CCDC136: variants seen among roughly 807,000 people sequenced by gnomAD.
The protein encoded by CCDC136 is coiled-coil domain-containing protein 136.
Under a neutral mutation model 141.2 loss-of-function variants are expected in CCDC136, and 100 were observed. The ratio of observed to expected loss-of-function variants is 0.71; its 90% confidence interval spans 0.60 to 0.84. The LOEUF (loss-of-function observed/expected upper bound fraction) is 0.84, where lower values mean the gene tolerates loss of function less well. Among genes scored for constraint, CCDC136 ranks in the 40% least tolerant of loss-of-function variants. The pLI is 0.00. For synonymous variants in CCDC136, 474 were observed against 531.9 expected, an observed-to-expected ratio of 0.89 and a Z score of 1.50; for missense variants, 1,206 against 1,379.4, an observed-to-expected ratio of 0.87 and a Z score of 1.99.
In CCDC136 at chr7:128,815,666, T is replaced by C. The variant is rs1238075103; in HGVS notation, c.3098T>C (p.Leu1033Pro). The C allele has an allele frequency of 2.6e-6, 4 of 1,555,336 alleles. No individual in the cohort carries two copies. The highest frequency in any genetic ancestry group is 3.5e-6 in the Non-Finnish European group (4 of 1,149,350). ...GCCAGCCAGAGGAAATTAGATGGAC[T>C]AGCAAAAGAGGAGGAAAAGAAAGAG... ...YKASQRKLDG[L>P]AKEEEKKEEM... The change falls in exon 16 of 18, where the codon CTA (leucine) becomes CCA (proline). Residue 1033 changes from leucine to proline, a missense_variant. Transcript: ENST00000297788.
intron 3 of CCDC136, among the ~76,000 whole-genome samples, chr7:128,796,342 G>T (rs371882621): frequency 6.6e-6 from 1 of 152,134 alleles, no homozygotes; most frequent in African/African-American, 2.4e-5. Context: ...AACTGCAAAG[G>T]CCCAGAGGTG....
At position 128,801,200 on chromosome 7, in the gene CCDC136, C is replaced by G; in HGVS notation, c.361C>G (p.Leu121Val). The G allele has an allele frequency of 6.2e-7, 1 of 1,613,092 alleles. No homozygotes were observed. The highest frequency in any genetic ancestry group is 8.5e-7 in the Non-Finnish European group (1 of 1,179,170). Reference sequence around the variant, plus strand: ...GGACTTTGCAGGTGAGCTGCGTTCTCTACGGGAGGAGATTTCCCTGTTAGA... The same window carrying G: ...GGACTTTGCAGGTGAGCTGCGTTCTGTACGGGAGGAGATTTCCCTGTTAGA... ...IQQLQGELRS[L>V]REEISLLEHE... Residue 121 changes from leucine (L) to valine (V), a missense_variant, in exon 4 of 18, where the codon CTA (leucine) becomes GTA (valine). Physicochemically the swap from Leu to Val is conservative, Grantham distance 32 (BLOSUM62 1). Coordinates refer to ENST00000297788, the MANE Select transcript of CCDC136 (RefSeq NM_022742.5).
intron 17 of CCDC136, among the ~76,000 whole-genome samples, chr7:128,820,500 C>A (rs1028787959): frequency 6.6e-6 from 1 of 152,204 alleles, no homozygotes; most frequent in Non-Finnish European, 1.5e-5. Flanking sequence ...TCAGCTCCTC[C>A]CTCCTTTAAG....
Position 128,807,465 on chromosome 7 carries a change from C to T in CCDC136, c.1525C>T (p.Leu509Phe). Reference sequence around the variant, plus strand: ...CATGTATGACCAGCTGGAGCAGGACCTCCTGCTCTGCCAGCTGGAGCTGAA... The same window carrying T: ...CATGTATGACCAGCTGGAGCAGGACTTCCTGCTCTGCCAGCTGGAGCTGAA... ...KHMYDQLEQD[L>F]LLCQLELKEL... The change falls in exon 10 of 18, where the codon CTC (leucine) becomes TTC (phenylalanine). Residue 509 changes from leucine (L) to phenylalanine (F), a missense_variant. Coordinates refer to ENST00000297788, the MANE Select transcript of CCDC136 (RefSeq NM_022742.5). 1.3e-6 allele frequency: 2 copies of T among 1,554,948 alleles called. No homozygotes were observed. The highest frequency in any genetic ancestry group is 2.5e-5 in the East Asian group (1 of 40,478).
At chr7:128,796,908 A>AT (rs1803101173) in intron 3 of CCDC136, among the ~76,000 whole-genome samples, 1 of 148,990 alleles carries the variant, frequency 6.7e-6, no homozygotes, top group South Asian at 2.2e-4. Flanking sequence ...CGCCCGGCTA[A>AT]TTTTTTGTAT....
rs369067756 is a variant in CCDC136 at position 128,812,347 on chromosome 7, C to T, written c.2541+35C>T. The T allele has an allele frequency of 1.1e-4, 180 of 1,587,084 alleles. No homozygotes were observed. In the African/African-American group the frequency reaches 1.7e-3, roughly 15 times the overall value. On this transcript the variant is annotated intron_variant, in intron 13 of 17. Transcript: ENST00000297788. ...GCCAGGTGACAGGTCAGGCAGGGGA[C>T]GATGGACTCTTGTCTTTTTAAGAGA...
chr7:128,791,214 G>C (rs959619145), upstream of CCDC136, among the ~76,000 whole-genome samples: 1 of 152,156 alleles, frequency 6.6e-6, no homozygotes, highest in Non-Finnish European at 1.5e-5. The surrounding 1 kb of genome is among the most constrained non-coding windows in gnomAD (Gnocchi z 7.1). Flanking sequence ...TCCTGACGCT[G>C]TCCGGGCCCC....
rs1353550332 is a variant in CCDC136, at chr7:128,794,317, G to A, written c.17-31G>A. 6.4e-7 allele frequency: 1 copy of A among 1,551,718 alleles called. No individual in the cohort carries two copies. The highest frequency in any genetic ancestry group is 2.0e-5 in the Admixed American group (1 of 51,006). On this transcript the variant is annotated intron_variant, in intron 1 of 17. Transcript: ENST00000297788. The surrounding 1 kb of genome is among the most constrained non-coding windows in gnomAD (Gnocchi z 4.3). Reference sequence around the variant, plus strand: ...GGACGGCAGAAAGGAAGTTGATGCTGACTCCTTGGTGGGATGGCTGTGTCT... The same window carrying A: ...GGACGGCAGAAAGGAAGTTGATGCTAACTCCTTGGTGGGATGGCTGTGTCT...
chr7:128,808,724 G>A lies in CCDC136; in HGVS notation c.1606-726G>A, dbSNP rs538760107. On this transcript the variant is annotated intron_variant, in intron 10 of 17. Transcript: ENST00000297788. ...TTTGCCTTTCTATATCCAGGCTCAC[G>A]TTTCCTCCTTTTTCCACTGCTACTC... 1.7e-5 allele frequency: 17 copies of A among 985,370 alleles called. No individual in the cohort carries two copies. In the Admixed American group the frequency reaches 5.5e-4, roughly 32 times the overall value. 61.0% of individuals were successfully genotyped at this position (985,370 alleles called of 1,614,324 possible).
rs76503609 is a variant in CCDC136 at position 128,819,628 on chromosome 7, C to T, written c.*5+1764C>T. Among the ~76,000 whole-genome samples, 1,111 of 152,248 alleles carry T rather than the reference C, an allele frequency of 7.3e-3. 8 individuals carry two copies. The highest frequency in any genetic ancestry group is 0.031 in the South Asian group (149 of 4,810). Reference sequence around the variant, plus strand: ...CTTACGTATATTAACTGATTTAATCCTTGCAACAACCCCATGAAGAAGCTA... The same window carrying T: ...CTTACGTATATTAACTGATTTAATCTTTGCAACAACCCCATGAAGAAGCTA... On this transcript the variant is annotated intron_variant, in intron 17 of 17. Transcript: ENST00000297788.
At chr7:128,791,544 G>C, upstream of CCDC136, 1 of 1,284,844 alleles carries the variant, frequency 7.8e-7, no homozygotes, top group South Asian at 2.7e-5. This position sits in a 1 kb window ranked among gnomAD's most constrained non-coding sequence, Gnocchi z 7.1. Flanking sequence ...GGAGCTGCCC[G>C]GGCCCAGGTC....
chr7:128,801,531 T>A, intron 4 of CCDC136, 22 bp downstream of exon 4: 1 of 1,514,600 alleles, frequency 6.6e-7, no homozygotes, highest in Non-Finnish European at 9.0e-7. Context: ...ATCAAGTGGG[T>A]CAGTAAAGTC....
Position 128,812,045 on chromosome 7 carries a change from T to TCGCAAGAC in CCDC136, c.2275_2282dup (p.Tyr762AlafsTer96), listed in dbSNP as rs755388660. The stretch of plus-strand genomic sequence containing the variant: ...GCATGGTCCCCAGCAATGAGAACTG[T>TCGCAAGAC]CGCAAGACTTATGATACCACTGTGG... On this transcript the variant is annotated frameshift_variant, in exon 13 of 18. Coordinates refer to ENST00000297788, the MANE Select transcript of CCDC136 (RefSeq NM_022742.5). LOFTEE classifies it high-confidence loss of function. 15 of 1,613,996 alleles carry TCGCAAGAC rather than the reference T, an allele frequency of 9.3e-6. No individual in the cohort carries two copies. The highest frequency in any genetic ancestry group is 6.7e-5 in the Admixed American group (4 of 60,028).
At position 128,809,581 on chromosome 7, in the gene CCDC136, C is replaced by T; in HGVS notation, c.1737C>T (p.Gly579=). 6.4e-7 allele frequency: 1 copy of T among 1,567,112 alleles called. No homozygotes were observed. The highest frequency in any genetic ancestry group is 1.9e-5 in the Admixed American group (1 of 53,142). Residue 579 remains glycine (G), a synonymous_variant, in exon 11 of 18, where the codon GGC becomes GGT. Transcript: ENST00000297788. ...AGAGGAGGATGCAGGAGGAGCAGGG[C>T]CAGCTGCAGGAAGAGCTGCACAGGC... ...EDQRRMQEEQ[G]QLQEELHRLT...
chr7:128,803,947 T>C (rs1489526321), intron 4 of CCDC136, among the ~76,000 whole-genome samples: 1 of 152,004 alleles, frequency 6.6e-6, no homozygotes, highest in Non-Finnish European at 1.5e-5. Context: ...CCTGAGTAGC[T>C]GGGACTACAG....
At chr7:128,796,739 A>ATATATTTTTTTTTTTTTT in intron 3 of CCDC136, among the ~76,000 whole-genome samples, 2 of 113,372 alleles carry the variant, frequency 1.8e-5, no homozygotes, top group Non-Finnish European at 1.7e-5. Context: ...ATATATATAT[A>ATATATTTTTTTTTTTTTT]TTCTTTTTTT....
In CCDC136 at chr7:128,817,912, G is replaced by C. The variant is rs1245575931; in HGVS notation, c.*5+48G>C. On this transcript the variant is annotated intron_variant, in intron 17 of 17. Transcript: ENST00000297788. The surrounding 1 kb of genome is among the most constrained non-coding windows in gnomAD (Gnocchi z 4.6). ...TTCTGAGGGATAGAGGGAGGGTGCA[G>C]GTTGCCCTGGCCTCTCCTCTTTCCC... 4.1e-6 allele frequency: 6 copies of C among 1,448,554 alleles called. No individual in the cohort carries two copies. The African/African-American group carries it at 7.0e-5, about 17-fold the overall frequency. The allele number at this position is 1,448,554 out of a possible 1,614,324, so 89.7% of individuals were successfully genotyped here.
chr7:128,801,057 G>A, intron 3 of CCDC136, 129 bp from the exon 4 acceptor site: 1 of 638,824 alleles, frequency 1.6e-6, no homozygotes, highest in South Asian at 2.0e-5. Context: ...ACACTTCTCT[G>A]ATGGGGTAGA....
chr7:128,801,657 G>A (rs1248083956), intron 4 of CCDC136, 148 bp downstream of exon 4: 13 of 619,536 alleles, frequency 2.1e-5, no homozygotes, highest in South Asian at 7.2e-5. Flanking sequence ...GGGTCCAGGC[G>A]TGATGGCTCA....
Sources: allele counts gnomAD v4.1 joint callset (sites outside exome capture counted in the v4.1 genomes callset), GRCh38; gene constraint gnomAD v4.1.1; non-coding constraint Gnocchi (gnomAD v3.1); transcripts MANE v1.5; gene names NCBI Gene and HGNC (gene_info 2026-07-23, HGNC 2026-07-21).